The following SLC25A26 variants were observed in gnomAD, a reference collection of about 807,000 sequenced individuals.
SLC25A26 encodes the protein mitochondrial S-adenosylmethionine carrier protein.
SLC25A26 carries 36 observed loss-of-function variants against 37.8 expected under a neutral mutation model. The ratio of observed to expected loss-of-function variants is 0.95; its 90% CI spans 0.73 to 1.26. The LOEUF is 1.26. Among genes scored for constraint, SLC25A26 ranks in the 50% most tolerant of loss-of-function variants. SLC25A26 has a pLI of 0.00. For missense variants in SLC25A26, 390 were observed against 331.1 expected, an observed-to-expected ratio of 1.18 and a Z score of -1.38; for synonymous variants, 129 against 122.5, an observed-to-expected ratio of 1.05 and a Z score of -0.35.
intron 1 of SLC25A26, among the ~76,000 whole-genome samples, chr3:66,161,364 ATCT>A (rs2070356181): frequency 6.6e-6 from 1 of 152,112 alleles, no homozygotes; most frequent in African/African-American, 2.4e-5. Context: ...TATGTAAAGA[ATCT>A]TCTTCCTTTT....
intron 5 of SLC25A26, among the ~76,000 whole-genome samples, chr3:66,284,185 A>G (rs1275566343): frequency 6.6e-6 from 1 of 152,044 alleles, no homozygotes; most frequent in East Asian, 1.9e-4. Context: ...TGTTCCTACA[A>G]AAAATTTTTA....
chr3:66,233,161 G>A (rs2072113351), intron 1 of SLC25A26, among the ~76,000 whole-genome samples: 1 of 152,106 alleles, frequency 6.6e-6, no homozygotes, highest in Non-Finnish European at 1.5e-5. Flanking sequence ...CTGTTTTTAT[G>A]GTGTGCCCTC....
At chr3:66,286,658 A>C (rs796527093) in intron 5 of SLC25A26, among the ~76,000 whole-genome samples, 2 of 151,794 alleles carry the variant, frequency 1.3e-5, no homozygotes, top group African/African-American at 4.8e-5. Context: ...ATTTTCTGAG[A>C]CCTTTCCCTT....
At chr3:66,374,889 ATT>A (rs768467786) in intron 9 of SLC25A26, among the ~76,000 whole-genome samples, 5 of 142,292 alleles carry the variant, frequency 3.5e-5, no homozygotes, top group East Asian at 4.7e-4. Context: ...AAAAAAAAAA[ATT>A]AATTAATTAA....
At position 66,314,180 on chromosome 3, in the gene SLC25A26, C is replaced by T. The variant is rs200577550; in HGVS notation, c.454-32184C>T. Among the ~76,000 whole-genome samples, 67 of 152,286 alleles carry T rather than the reference C, an allele frequency of 4.4e-4. 1 individual carries two copies. In the East Asian group the frequency reaches 8.3e-3, roughly 19 times the overall value. ...GTTGAATAGGAGTGGTGAGCGAGGG[C>T]ATCCTTCTCTTGTGCTGGTTTTCAA... On this transcript the variant is annotated intron_variant, in intron 5 of 9. Coordinates refer to ENST00000354883, the MANE Select transcript of SLC25A26 (RefSeq NM_001379210.1).
chr3:66,213,323 C>T (rs949026940), intron 1 of SLC25A26, among the ~76,000 whole-genome samples: 3 of 144,442 alleles, frequency 2.1e-5, no homozygotes, highest in Admixed American at 1.5e-4. Flanking sequence ...TCACTTGCAC[C>T]CAGAAGGTGG....
Position 66,378,455 on chromosome 3 carries a change from A to AACTC in SLC25A26, c.*650_*653dup, listed in dbSNP as rs1185222423. 1 of 152,700 alleles carries AACTC rather than the reference A, an allele frequency of 6.5e-6. No homozygotes were observed. The highest frequency in any genetic ancestry group is 1.5e-5 in the Non-Finnish European group (1 of 68,074). 9.5% of individuals were successfully genotyped at this position (152,700 alleles called of 1,614,324 possible). On this transcript the variant is annotated 3_prime_UTR_variant, in exon 10 of 10. Coordinates refer to ENST00000354883, the MANE Select transcript of SLC25A26 (RefSeq NM_001379210.1). The stretch of plus-strand genomic sequence containing the variant: ...GTGGTGTGTGAGAGAAAGCAGCTGC[A>AACTC]ACTCAAGTGACTAGGTGGGCCCAGC...
At chr3:66,320,819 G>A (rs532315397) in intron 5 of SLC25A26, among the ~76,000 whole-genome samples, 4 of 152,236 alleles carry the variant, frequency 2.6e-5, no homozygotes, top group South Asian at 2.1e-4. Context: ...TTAAAAGTAC[G>A]TTTAAGATAA....
intron 1 of SLC25A26, among the ~76,000 whole-genome samples, chr3:66,158,693 G>A (rs143040184): frequency 0.016 from 2,413 of 152,186 alleles, 62 homozygotes; most frequent in African/African-American, 0.055. Context: ...AGTGGCTTTC[G>A]TTTTATTGGC....
At chr3:66,312,172 C>G (rs1177642355) in intron 5 of SLC25A26, among the ~76,000 whole-genome samples, 1 of 152,332 alleles carries the variant, frequency 6.6e-6, no homozygotes, top group Non-Finnish European at 1.5e-5. Context: ...TGCTGCCTTT[C>G]TGTCAGAGAT....
intron 5 of SLC25A26, among the ~76,000 whole-genome samples, chr3:66,299,652 G>T (rs1430677071): frequency 6.6e-6 from 1 of 152,088 alleles, no homozygotes; most frequent in Non-Finnish European, 1.5e-5. Context: ...ATCCAAGGGG[G>T]TATGTGTGCA....
chr3:66,264,688 A>C (rs1404713726), intron 5 of SLC25A26, among the ~76,000 whole-genome samples: 1 of 152,216 alleles, frequency 6.6e-6, no homozygotes, highest in Non-Finnish European at 1.5e-5. Context: ...CCACTGGTCC[A>C]TGGAAAATTT....
At chr3:66,260,711 G>A (rs183394738) in intron 3 of SLC25A26, among the ~76,000 whole-genome samples, 2 of 152,258 alleles carry the variant, frequency 1.3e-5, no homozygotes, top group Non-Finnish European at 2.9e-5. Flanking sequence ...TAATTCCCTT[G>A]GAGTAGGAGT....
rs146028671 is a variant in SLC25A26 at position 66,299,980 on chromosome 3, C to T, written c.453+36601C>T. 4.7e-3 allele frequency among the ~76,000 whole-genome samples: 709 copies of T among 152,262 alleles called. 6 individuals are homozygous for T. The highest frequency in any genetic ancestry group is 0.016 in the African/African-American group (644 of 41,544). On this transcript the variant is annotated intron_variant, in intron 5 of 9. Coordinates refer to ENST00000354883, the MANE Select transcript of SLC25A26 (RefSeq NM_001379210.1). The stretch of plus-strand genomic sequence containing the variant: ...ATAAACTACCAGGCTTTTGAGCCAT[C>T]TGGAACTTTATTTTCTTTGCACGCA...
rs72901255 is a variant in SLC25A26 at position 66,147,549 on chromosome 3, G to A, written c.-354+13565G>A. On this transcript the variant is annotated intron_variant, in intron 1 of 10. Coordinates refer to the SLC25A26 transcript ENST00000676754. ...TTGTGGACTGTGCGGCTATAAATGT[G>A]TGTGCATGTGTCCTTTTAAATATAA... Among the ~76,000 whole-genome samples, 883 of 152,138 alleles carry A rather than the reference G, an allele frequency of 5.8e-3. 8 individuals carry two copies. The highest frequency in any genetic ancestry group is 0.02 in the African/African-American group (839 of 41,532).
intron 6 of SLC25A26, 82 bp from the exon 7 acceptor site, chr3:66,362,778 C>A: frequency 1.2e-6 from 1 of 865,178 alleles, no homozygotes; most frequent in Non-Finnish European, 1.7e-6. Context: ...ACTTAAGTTC[C>A]CATCCCCAGA....
At chr3:66,209,234 A>G (rs894311541) in intron 1 of SLC25A26, among the ~76,000 whole-genome samples, 10 of 138,932 alleles carry the variant, frequency 7.2e-5, no homozygotes, top group Non-Finnish European at 1.1e-4. Flanking sequence ...ATATATAACG[A>G]TATACCCATA....
At chr3:66,138,654 G>A (rs1315004235) in intron 1 of SLC25A26, among the ~76,000 whole-genome samples, 1 of 141,022 alleles carries the variant, frequency 7.1e-6, no homozygotes, top group African/African-American at 2.6e-5. Flanking sequence ...GGGAGGGGGG[G>A]TAGGGATGTA....
At chr3:66,153,808 T>C (rs2070240163) in intron 1 of SLC25A26, among the ~76,000 whole-genome samples, 1 of 152,200 alleles carries the variant, frequency 6.6e-6, no homozygotes, top group South Asian at 2.1e-4. Flanking sequence ...CCCCAGCTAG[T>C]TCACGATCTT....
Sources: allele counts gnomAD v4.1 joint callset (sites outside exome capture counted in the v4.1 genomes callset), GRCh38; gene constraint gnomAD v4.1.1; transcripts MANE v1.5; gene names NCBI Gene and HGNC (gene_info 2026-07-23, HGNC 2026-07-21).